Variants in RAB22A observed in about 807,000 individuals in gnomAD.
The protein encoded by RAB22A is ras-related protein Rab-22A.
A neutral mutation model predicts 30.2 loss-of-function variants in RAB22A; 13 were observed. The ratio of observed to expected loss-of-function variants is 0.43; its 90% CI spans 0.28 to 0.68. RAB22A has a LOEUF of 0.68. RAB22A is among the 30% of genes least tolerant of loss of function. The probability of loss-of-function intolerance (pLI) is 0.18; values close to 1 mark genes in which losing one functional copy is unlikely to be tolerated. For synonymous variants in RAB22A, 89 were observed against 87.2 expected (o/e 1.02, Z -0.11); for missense variants, 177 against 246.8 (o/e 0.72, Z 1.89).
At chr20:58,359,164 CT>C (rs1372569454) in intron 6 of RAB22A, among the ~76,000 whole-genome samples, 1 of 152,170 alleles carries the variant, frequency 6.6e-6, no homozygotes, top group Non-Finnish European at 1.5e-5. Flanking sequence ...TCTGACTGAA[CT>C]TTTTAAAAAA....
chr20:58,324,659 G>A (rs1242142035), intron 2 of RAB22A, among the ~76,000 whole-genome samples: 1 of 151,712 alleles, frequency 6.6e-6, no homozygotes, highest in Non-Finnish European at 1.5e-5. Flanking sequence ...ATGAGGTCAA[G>A]AGATCAAGAC....
intron 6 of RAB22A, among the ~76,000 whole-genome samples, chr20:58,358,746 T>G (rs1333994376): frequency 6.6e-6 from 1 of 152,038 alleles, no homozygotes; most frequent in Middle Eastern, 3.2e-3. Flanking sequence ...AATATAAAAA[T>G]TAGCCGGGCG....
intron 2 of RAB22A, among the ~76,000 whole-genome samples, chr20:58,339,178 T>C (rs1470466489): frequency 6.6e-6 from 1 of 152,220 alleles, no homozygotes. Flanking sequence ...AAGAAAGTCA[T>C]ATTTTTAGAA....
Position 58,366,279 on chromosome 20 carries a change from C to T in RAB22A, c.*6576C>T, listed in dbSNP as rs573167530. 3.3e-5 allele frequency: 5 copies of T among 152,294 alleles called. No homozygotes were observed. Among genetic ancestry groups the T allele is most frequent in the African/African-American group, 1.2e-4 (5 of 41,536 alleles). The allele number at this position is 152,294 out of a possible 1,614,324, so 9.4% of individuals were successfully genotyped here. On this transcript the variant is annotated 3_prime_UTR_variant, in exon 7 of 7. Transcript: ENST00000244040. Reference sequence around the variant, plus strand: ...GGTCACAGCAACAGGGACTGCTCACCCCCTCCAGCTGGGGCTTTTCTAACA... The same window carrying T: ...GGTCACAGCAACAGGGACTGCTCACTCCCTCCAGCTGGGGCTTTTCTAACA...
In RAB22A at chr20:58,359,599, G is replaced by T; in HGVS notation, c.488-7G>T. ...TCACTCCCTTCCCTTTTCTCATCTT[G>T]GTTTAGGTCGAAGAATTCCATCCAC... On this transcript the variant is annotated splice_polypyrimidine_tract_variant and splice_region_variant and intron_variant, in intron 6 of 6. Transcript: ENST00000244040. The T allele has an allele frequency of 6.3e-7, 1 of 1,589,836 alleles. No individual in the cohort carries two copies. Among genetic ancestry groups the T allele is most frequent in the South Asian group, 1.1e-5 (1 of 90,254 alleles).
intron 6 of RAB22A, 90 bp from the exon 7 acceptor site, chr20:58,359,516 T>A: frequency 1.6e-6 from 1 of 612,074 alleles, no homozygotes; most frequent in Non-Finnish European, 2.6e-6. Flanking sequence ...TTTTTTTTAC[T>A]TCAGTGAAAC....
In RAB22A at chr20:58,360,924, A is replaced by C. The variant is rs1262675279; in HGVS notation, c.*1221A>C. 1 of 152,652 alleles carries C rather than the reference A, an allele frequency of 6.6e-6. No homozygotes were observed. Among genetic ancestry groups the C allele is most frequent in the Non-Finnish European group, 1.5e-5 (1 of 68,052 alleles). 9.5% of individuals were successfully genotyped at this position (152,652 alleles called of 1,614,324 possible). A position where few individuals can be genotyped will look rare whatever the true frequency, so the allele number is the denominator to read the frequency against. On this transcript the variant is annotated 3_prime_UTR_variant, in exon 7 of 7. Coordinates refer to ENST00000244040, the MANE Select transcript of RAB22A (RefSeq NM_020673.3). ...GGTAAAAGATTAAGCTCCAACCTCA[A>C]GTCATTTACCTGGTCTTGGTAATAA...
At chr20:58,354,114 C>G (rs769627071) in intron 5 of RAB22A, 42 bp from the exon 6 acceptor site, 1 of 1,457,384 alleles carries the variant, frequency 6.9e-7, no homozygotes, top group East Asian at 2.3e-5. Flanking sequence ...CAACTAAGAT[C>G]TTCATGGGTA....
In RAB22A at chr20:58,353,264, C is replaced by T. The variant is rs763132542; in HGVS notation, c.199-9C>T. On this transcript the variant is annotated splice_polypyrimidine_tract_variant and intron_variant, in intron 3 of 6. Coordinates refer to ENST00000244040, the MANE Select transcript of RAB22A (RefSeq NM_020673.3). ...CCCAATTTTGTTTATTTTTCCCCCT[C>T]CTCTGCAGTTTCGTGCCTTAGCACC... 2.0e-5 allele frequency: 33 copies of T among 1,612,244 alleles called. No individual in the cohort carries two copies. Among genetic ancestry groups the T allele is most frequent in the Middle Eastern group, 1.6e-4 (1 of 6,070 alleles).
intron 2 of RAB22A, among the ~76,000 whole-genome samples, chr20:58,312,144 A>C (rs896525652): frequency 2.6e-5 from 4 of 151,952 alleles, no homozygotes; most frequent in Non-Finnish European, 1.5e-5. Context: ...TAGTAGAGAC[A>C]AGGTCTCACC....
At chr20:58,340,851 C>T (rs776952677) in intron 2 of RAB22A, among the ~76,000 whole-genome samples, 4 of 152,102 alleles carry the variant, frequency 2.6e-5, no homozygotes, top group African/African-American at 4.8e-5. Context: ...GAGACCCAAA[C>T]GATGGGGAGC....
intron 2 of RAB22A, among the ~76,000 whole-genome samples, chr20:58,314,269 T>A (rs746048177): frequency 4.6e-5 from 7 of 152,168 alleles, no homozygotes; most frequent in Non-Finnish European, 1.0e-4. Context: ...TTCACCATGT[T>A]GGCCAGGCTG....
chr20:58,342,154 A>G (rs1466489144), intron 2 of RAB22A, among the ~76,000 whole-genome samples: 1 of 152,262 alleles, frequency 6.6e-6, no homozygotes, highest in East Asian at 1.9e-4. Context: ...TAAGTGAGAA[A>G]CCATGTTGTA....
At chr20:58,317,980 T>C (rs1331809420) in intron 2 of RAB22A, among the ~76,000 whole-genome samples, 1 of 152,204 alleles carries the variant, frequency 6.6e-6, no homozygotes, top group African/African-American at 2.4e-5. Context: ...CTCAGCCTCC[T>C]GAGTAGCTAG....
chr20:58,336,511 A>C (rs1050596248), intron 2 of RAB22A, among the ~76,000 whole-genome samples: 1 of 152,192 alleles, frequency 6.6e-6, no homozygotes, highest in Admixed American at 6.5e-5. Context: ...GGGGATAAAA[A>C]GTATTTTATT....
chr20:58,347,166 A>G (rs749572895), intron 3 of RAB22A, among the ~76,000 whole-genome samples: 27 of 152,332 alleles, frequency 1.8e-4, no homozygotes, highest in Non-Finnish European at 3.7e-4. Context: ...AACCCTTTTG[A>G]TGAATTGACC....
chr20:58,339,031 A>G (rs1986811758), intron 2 of RAB22A, among the ~76,000 whole-genome samples: 1 of 152,252 alleles, frequency 6.6e-6, no homozygotes, highest in African/African-American at 2.4e-5. Context: ...ATGTAATGTC[A>G]GAGCACACCT....
rs1232082903 is a variant in RAB22A at position 58,361,020 on chromosome 20, TTC to T, written c.*1319_*1320del. 6.6e-6 allele frequency: 1 copy of T among 152,592 alleles called. No individual in the cohort carries two copies. The highest frequency in any genetic ancestry group is 1.5e-5 in the Non-Finnish European group (1 of 68,034). The allele number at this position is 152,592 out of a possible 1,614,324, so 9.5% of individuals were successfully genotyped here. The stretch of plus-strand genomic sequence containing the variant: ...TCCTTGTTAACAATTTAGCTTATCT[TTC>T]TGTTTCCTTTATTTTTCCCCTGCCT... On this transcript the variant is annotated 3_prime_UTR_variant, in exon 7 of 7. Coordinates refer to ENST00000244040, the MANE Select transcript of RAB22A (RefSeq NM_020673.3).
chr20:58,341,144 A>T (rs987379454), intron 2 of RAB22A, among the ~76,000 whole-genome samples: 1 of 152,146 alleles, frequency 6.6e-6, no homozygotes, highest in African/African-American at 2.4e-5. Context: ...TTGACTGGGG[A>T]GCTGGTTGAA....
Sources: gnomAD v4.1 joint callset for allele counts (sites outside exome capture counted in the v4.1 genomes callset) on GRCh38, gnomAD v4.1.1 for gene constraint, MANE v1.5 for transcripts, NCBI Gene and HGNC (gene_info 2026-07-23, HGNC 2026-07-21) for gene names.